DLG2: variants seen among roughly 807,000 people sequenced by gnomAD.
DLG2 encodes disks large homolog 2.
DLG2 carries 45 observed loss-of-function variants against 132.5 expected under a neutral mutation model. The observed-to-expected ratio is 0.34, with a 90% CI of 0.27 to 0.44. The LOEUF is 0.44. Among genes scored for constraint, DLG2 ranks in the 20% least tolerant of loss-of-function variants. The pLI is 1.00. For missense variants in DLG2, 1,045 were observed against 1,196.9 expected, an observed-to-expected ratio of 0.87 and a Z score of 1.87; for synonymous variants, 424 against 419.6, an observed-to-expected ratio of 1.01 and a Z score of -0.13.
chr11:84,298,288 G>T (rs2098115805), intron 7 of DLG2, among the ~76,000 whole-genome samples: 1 of 152,150 alleles, frequency 6.6e-6, no homozygotes, highest in East Asian at 1.9e-4. Flanking sequence ...GCAAATCAAT[G>T]ACTTTTGCAT....
intron 6 of DLG2, chr11:85,020,671 G>A (rs1005488697): frequency 1.4e-5 from 6 of 426,454 alleles, no homozygotes; most frequent in African/African-American, 1.2e-4. Context: ...AAGAAATGGG[G>A]AAAGGATTCC....
rs1426582651 is a variant in DLG2 at position 83,458,394 on chromosome 11, G to C, written c.*1424C>G. 2.6e-5 allele frequency: 4 copies of C among 152,522 alleles called. No individual in the cohort carries two copies. The East Asian group carries it at 7.7e-4, about 29-fold the overall frequency. The allele number at this position is 152,522 out of a possible 1,614,324, so 9.4% of individuals were successfully genotyped here. A position where few individuals can be genotyped will look rare whatever the true frequency, so the allele number is the denominator to read the frequency against. On this transcript the variant is annotated 3_prime_UTR_variant, in exon 28 of 28. Coordinates refer to ENST00000376104, the MANE Select transcript of DLG2 (RefSeq NM_001142699.3). ...AGCTCCAAGAAAGGCAGTTCAGTTG[G>C]TTGAGCTCAAAGTCATTAATTGTCT...
chr11:85,209,442 A>G (rs1423035128), intron 4 of DLG2, among the ~76,000 whole-genome samples: 1 of 35,536 alleles, frequency 2.8e-5, no homozygotes, highest in African/African-American at 7.8e-5. Context: ...CAAAGAAATC[A>G]GTCTTTTTTT....
At chr11:84,502,206 CCTTCCTTCCT>C (rs1567803236) in intron 7 of DLG2, among the ~76,000 whole-genome samples, 1,319 of 21,276 alleles carry the variant, frequency 0.062, 384 homozygotes, top group East Asian at 0.097. Flanking sequence ...CTCTCTCCTT[CCTTCCTTCCT>C]TCCTTCCTTC....
chr11:84,433,111 C>A (rs1191881574), intron 7 of DLG2, among the ~76,000 whole-genome samples: 1 of 152,074 alleles, frequency 6.6e-6, no homozygotes, highest in Admixed American at 6.5e-5. Flanking sequence ...TTATAAACTG[C>A]CAAGCTCATC....
At chr11:84,688,435 T>A (rs927582838) in intron 6 of DLG2, among the ~76,000 whole-genome samples, 1 of 152,212 alleles carries the variant, frequency 6.6e-6, no homozygotes, top group African/African-American at 2.4e-5. Flanking sequence ...AGGTATGTGA[T>A]TCAGTTATGA....
intron 6 of DLG2, among the ~76,000 whole-genome samples, chr11:85,104,448 C>T (rs988728434): frequency 2.0e-5 from 3 of 151,702 alleles, no homozygotes; most frequent in Admixed American, 1.3e-4. Context: ...TGAAAAAAGC[C>T]GGTCACAAAG....
At chr11:85,540,334 C>T (rs887956186) in intron 3 of DLG2, among the ~76,000 whole-genome samples, 1 of 152,172 alleles carries the variant, frequency 6.6e-6, no homozygotes, top group Non-Finnish European at 1.5e-5. Flanking sequence ...AGCTGGACAT[C>T]GAGAGGAACA....
chr11:83,597,507 A>G (rs2057792563), intron 19 of DLG2, among the ~76,000 whole-genome samples: 1 of 152,124 alleles, frequency 6.6e-6, no homozygotes, highest in Non-Finnish European at 1.5e-5. Context: ...AATATGGCAA[A>G]ACCCCGTCTC....
intron 3 of DLG2, among the ~76,000 whole-genome samples, chr11:85,346,891 A>G (rs1032237621): frequency 6.6e-6 from 1 of 152,088 alleles, no homozygotes; most frequent in Non-Finnish European, 1.5e-5. Context: ...GAGGGTCAGG[A>G]TTTGTAGAAT....
intron 7 of DLG2, among the ~76,000 whole-genome samples, chr11:84,383,688 T>C (rs1329433863): frequency 6.6e-6 from 1 of 152,034 alleles, no homozygotes; most frequent in African/African-American, 2.4e-5. Context: ...CTCTCAGCCA[T>C]ACCCCCACAA....
intron 19 of DLG2, among the ~76,000 whole-genome samples, chr11:83,576,289 G>A (rs1593547133): frequency 6.6e-6 from 1 of 152,112 alleles, no homozygotes; most frequent in Non-Finnish European, 1.5e-5. Context: ...ACACCCTCAA[G>A]TAGACTAATA....
intron 6 of DLG2, among the ~76,000 whole-genome samples, chr11:84,915,987 G>A (rs2092428783): frequency 6.6e-6 from 1 of 152,038 alleles, no homozygotes; most frequent in Non-Finnish European, 1.5e-5. Context: ...CAAAAGAAAA[G>A]GAAATCATGA....
intron 6 of DLG2, among the ~76,000 whole-genome samples, chr11:84,694,798 C>A (rs2058442122): frequency 6.6e-6 from 1 of 151,428 alleles, no homozygotes; most frequent in Admixed American, 6.6e-5. Flanking sequence ...TCAGTTAAGT[C>A]CAAATATGGG....
chr11:84,187,192 A>G (rs1201507487), intron 8 of DLG2, among the ~76,000 whole-genome samples: 2 of 151,362 alleles, frequency 1.3e-5, no homozygotes, highest in East Asian at 3.9e-4. Context: ...GCTGAAATAA[A>G]GTGAGAAGGT....
At chr11:83,766,315 G>A (rs1189755672) in intron 18 of DLG2, among the ~76,000 whole-genome samples, 2 of 151,160 alleles carry the variant, frequency 1.3e-5, no homozygotes, top group African/African-American at 2.4e-5. Context: ...GGATGGTCTC[G>A]ATCTCCTGAC....
At chr11:84,272,128 C>T (rs2097732625) in intron 7 of DLG2, 1 of 200,992 alleles carries the variant, frequency 5.0e-6, no homozygotes, top group Non-Finnish European at 1.1e-5. Flanking sequence ...CTTTAGTAGT[C>T]AAGATCAACT....
intron 15 of DLG2, among the ~76,000 whole-genome samples, chr11:83,876,641 A>C (rs1403544823): frequency 6.6e-6 from 1 of 152,092 alleles, no homozygotes; most frequent in African/African-American, 2.4e-5. Context: ...TACACAAGAA[A>C]ACAAAACATA....
intron 6 of DLG2, among the ~76,000 whole-genome samples, chr11:84,963,980 A>C (rs1326034732): frequency 6.6e-6 from 1 of 152,152 alleles, no homozygotes; most frequent in Non-Finnish European, 1.5e-5. Flanking sequence ...AGGTGCATTA[A>C]TTAAAATATA....
Sources: allele counts gnomAD v4.1 joint callset (sites outside exome capture counted in the v4.1 genomes callset), GRCh38; gene constraint gnomAD v4.1.1; transcripts MANE v1.5; gene names NCBI Gene and HGNC (gene_info 2026-07-23, HGNC 2026-07-21).